SBF2: variants seen among roughly 807,000 people sequenced by gnomAD.
SBF2 encodes the protein myotubularin-related protein 13.
SBF2 carries 112 observed loss-of-function variants against 225.2 expected under a neutral mutation model. The observed-to-expected ratio is 0.50, with a 90% CI of 0.43 to 0.58. The LOEUF is 0.58. Among genes scored for constraint, SBF2 ranks in the 20% least tolerant of loss-of-function variants. SBF2 has a pLI of 0.00. For synonymous variants in SBF2, 763 were observed against 773.3 expected, an observed-to-expected ratio of 0.99 and a Z score of 0.22; for missense variants, 1,996 against 2,206.2, an observed-to-expected ratio of 0.90 and a Z score of 1.91.
intron 30 of SBF2, among the ~76,000 whole-genome samples, chr11:9,809,898 A>C (rs1490016071): frequency 1.3e-5 from 2 of 152,110 alleles, no homozygotes; most frequent in African/African-American, 4.8e-5. Flanking sequence ...ATAGTTACAC[A>C]ATGTTGTGGA....
intron 4 of SBF2, among the ~76,000 whole-genome samples, chr11:10,030,129 T>C (rs1949201353): frequency 6.6e-6 from 1 of 152,232 alleles, no homozygotes; most frequent in Non-Finnish European, 1.5e-5. Flanking sequence ...TGTGCTCTGA[T>C]AACTACTCTA....
rs181794379 is a variant in SBF2, at chr11:9,911,712, G to C, written c.1861-15701C>G. ...TTTCAGTCCTGCAAGCTCCATTCAC[G>C]GTAATTGTCCTATACAGGTGTACCA... On this transcript the variant is annotated intron_variant, in intron 16 of 39. Transcript: ENST00000256190. 2.6e-5 allele frequency among the ~76,000 whole-genome samples: 4 copies of C among 152,172 alleles called. No homozygotes were observed. In the Middle Eastern group the frequency reaches 0.01, roughly 388 times the overall value.
upstream of SBF2, among the ~76,000 whole-genome samples, chr11:10,297,617 A>G (rs1289061062): frequency 6.6e-6 from 1 of 152,146 alleles, no homozygotes; most frequent in East Asian, 1.9e-4. Context: ...GCAAGTACTC[A>G]TTTAAATTAT....
intron 1 of SBF2, among the ~76,000 whole-genome samples, chr11:10,214,223 C>A (rs1958042649): frequency 6.6e-6 from 1 of 152,120 alleles, no homozygotes; most frequent in African/African-American, 2.4e-5. Flanking sequence ...CCCTGCTCCC[C>A]CAGTTCTGAT....
rs532505849 is a variant in SBF2, at chr11:9,804,427, A to AT, written c.4443+3572dup. 4.4e-3 allele frequency among the ~76,000 whole-genome samples: 667 copies of AT among 152,208 alleles called. 5 individuals are homozygous for AT. The highest frequency in any genetic ancestry group is 0.015 in the African/African-American group (634 of 41,540). On this transcript the variant is annotated intron_variant, in intron 32 of 39. Transcript: ENST00000256190. ...TTGGACTTACTAATTAAAGATTATT[A>AT]TTTTTTCCTCCAGATTTATTGAAGT...
At chr11:10,170,726 G>C (rs1956149264) in intron 2 of SBF2, among the ~76,000 whole-genome samples, 1 of 151,946 alleles carries the variant, frequency 6.6e-6, no homozygotes, top group Admixed American at 6.6e-5. Flanking sequence ...TGAATCTATA[G>C]ATTGCTTTAG....
chr11:9,834,285 T>C (rs1855602921), intron 26 of SBF2, among the ~76,000 whole-genome samples: 1 of 151,410 alleles, frequency 6.6e-6, no homozygotes, highest in Non-Finnish European at 1.5e-5. Context: ...AGAGATGGGG[T>C]TTCTCCATGT....
At chr11:9,980,805 A>T (rs1229164680) in intron 13 of SBF2, among the ~76,000 whole-genome samples, 4 of 151,960 alleles carry the variant, frequency 2.6e-5, no homozygotes, top group Non-Finnish European at 5.9e-5. Flanking sequence ...TGACTTTGTG[A>T]TCTGCCTGCC....
At chr11:10,180,674 T>G (rs1956703451) in intron 2 of SBF2, among the ~76,000 whole-genome samples, 1 of 152,162 alleles carries the variant, frequency 6.6e-6, no homozygotes, top group African/African-American at 2.4e-5. Context: ...CCCCTATCTC[T>G]CTCTACCTCC....
In SBF2 at chr11:9,779,052, C is replaced by G. The variant is rs1292660939; in HGVS notation, c.*1366G>C. On this transcript the variant is annotated 3_prime_UTR_variant, in exon 40 of 40. Coordinates refer to ENST00000256190, the MANE Select transcript of SBF2 (RefSeq NM_030962.4). ...AAAGTCCTTCATTCTTAATTATCCC[C>G]AGATTTCTTATATATTAACACAGTT... The G allele has an allele frequency of 6.6e-6, 1 of 152,550 alleles. No homozygotes were observed. Among genetic ancestry groups the G allele is most frequent in the Non-Finnish European group, 1.5e-5 (1 of 68,010 alleles). The allele number at this position is 152,550 out of a possible 1,614,324, so 9.4% of individuals were successfully genotyped here.
intron 1 of SBF2, among the ~76,000 whole-genome samples, chr11:10,253,984 A>ATAGCAAGTG (rs1960614548): frequency 6.6e-6 from 1 of 152,260 alleles, no homozygotes; most frequent in South Asian, 2.1e-4. Flanking sequence ...AAGATAAAAA[A>ATAGCAAGTG]TAGCAAGTGT....
rs751758119 is a variant in SBF2, at chr11:9,993,130, T to C, written c.1054-27A>G. 7.2e-6 allele frequency: 11 copies of C among 1,524,690 alleles called. No homozygotes were observed. In the South Asian group the frequency reaches 1.1e-4, roughly 16 times the overall value. 94.4% of individuals were successfully genotyped at this position (1,524,690 alleles called of 1,614,324 possible). A position where few individuals can be genotyped will look rare whatever the true frequency, so the allele number is the denominator to read the frequency against. ...TAAAAATATAAGAAGAAATGTTAGG[T>C]AATTTAACTTTTTAAAAACAAATGA... On this transcript the variant is annotated intron_variant, in intron 10 of 39. Coordinates refer to ENST00000256190, the MANE Select transcript of SBF2 (RefSeq NM_030962.4).
intron 2 of SBF2, among the ~76,000 whole-genome samples, chr11:10,151,844 A>G (rs758535268): frequency 1.3e-5 from 2 of 152,234 alleles, no homozygotes; most frequent in South Asian, 2.1e-4. Context: ...TATGATTCCT[A>G]TATCACCCAT....
rs758191255 is a variant in SBF2 at position 9,808,957 on chromosome 11, C to G, written c.4201G>C (p.Glu1401Gln). The part of the protein sequence containing the change: ...QLAVVVSEVL[E>Q]NGSSVLVCLE... ...CAGACCAAAACTGAGGAACCATTCT[C>G]AAGTACTTCTGATACAACCACAGCC... is the stretch of plus-strand genomic sequence containing the variant. The change falls in exon 31 of 40, where the codon GAG becomes CAG. Residue 1401 changes from glutamate to glutamine, a missense_variant. Physicochemically the swap from Glu to Gln is conservative, Grantham distance 29 (BLOSUM62 2). Coordinates refer to ENST00000256190, the MANE Select transcript of SBF2 (RefSeq NM_030962.4). 1.1e-5 allele frequency: 18 copies of G among 1,614,084 alleles called. No individual in the cohort carries two copies. Among genetic ancestry groups the G allele is most frequent in the Non-Finnish European group, 1.5e-5 (18 of 1,179,960 alleles).
intron 2 of SBF2, among the ~76,000 whole-genome samples, chr11:10,071,268 T>C (rs1853331230): frequency 2.1e-5 from 3 of 142,966 alleles, no homozygotes; most frequent in Non-Finnish European, 3.1e-5. Flanking sequence ...TCTCTCTCTT[T>C]TTTTTTTTTT....
In SBF2 at chr11:10,277,570, G is replaced by A. The variant is rs186875037; in HGVS notation, c.55+16445C>T. 3.9e-3 allele frequency among the ~76,000 whole-genome samples: 587 copies of A among 152,202 alleles called. 4 individuals are homozygous for A. Among genetic ancestry groups the A allele is most frequent in the South Asian group, 5.4e-3 (26 of 4,818 alleles). On this transcript the variant is annotated intron_variant, in intron 1 of 39. Transcript: ENST00000256190. The stretch of plus-strand genomic sequence containing the variant: ...TGAATAGCGTTGTCCAAAAATTCAC[G>A]TCCATCAGAATCTCATAATGTGACT...
chr11:10,127,279 T>C (rs767188455), intron 2 of SBF2, among the ~76,000 whole-genome samples: 25 of 152,110 alleles, frequency 1.6e-4, no homozygotes, highest in Non-Finnish European at 5.9e-5. Flanking sequence ...ACATAATTAG[T>C]TTGAAATGTT....
intron 1 of SBF2, among the ~76,000 whole-genome samples, chr11:10,291,209 T>C (rs1355322892): frequency 6.6e-6 from 1 of 152,198 alleles, no homozygotes; most frequent in Non-Finnish European, 1.5e-5. Context: ...GATGGTATTA[T>C]GAGGTGAGGC....
At chr11:9,853,783 T>C in intron 19 of SBF2, 71 bp from the exon 20 acceptor site, 1 of 1,377,752 alleles carries the variant, frequency 7.3e-7, no homozygotes, top group Non-Finnish European at 1.0e-6. Flanking sequence ...TAGTAGTCAA[T>C]TTACATAGCG....
Sources: allele counts gnomAD v4.1 joint callset (sites outside exome capture counted in the v4.1 genomes callset), GRCh38; gene constraint gnomAD v4.1.1; transcripts MANE v1.5; gene names NCBI Gene and HGNC (gene_info 2026-07-23, HGNC 2026-07-21).